The following BPTF variants were observed in gnomAD, a reference collection of about 807,000 sequenced individuals.
BPTF encodes the protein bromodomain PHD finger transcription factor.
A neutral mutation model predicts 292.5 loss-of-function variants in BPTF; 18 were observed. That is an observed-to-expected ratio of 0.06 (90% CI 0.04 to 0.09). The LOEUF (loss-of-function observed/expected upper bound fraction) is 0.09, where lower values mean the gene tolerates loss of function less well. Among genes scored for constraint, BPTF ranks in the 10% least tolerant of loss-of-function variants. The pLI is 1.00. For missense variants in BPTF, 2,726 were observed against 3,498.7 expected, an observed-to-expected ratio of 0.78 and a Z score of 5.57; for synonymous variants, 1,225 against 1,251.9, an observed-to-expected ratio of 0.98 and a Z score of 0.45.
rs1426498270 is a variant in BPTF, at chr17:67,912,452, C to T, written c.4568C>T (p.Pro1523Leu). 1 of 1,613,690 alleles carries T rather than the reference C, an allele frequency of 6.2e-7. No individual in the cohort carries two copies. Among genetic ancestry groups the T allele is most frequent in the Non-Finnish European group, 8.5e-7 (1 of 1,179,948 alleles). ...ACGACCACACCCTCAGCATCTTGTC[C>T]AGAAAGCAATTCAGTTAATCAGGTA... ...TQTTTPSASC[P>L]ESNSVNQVED... The change falls in exon 11 of 28, where the codon CCA (proline) becomes CTA (leucine). Residue 1523 changes from proline (P) to leucine (L), a missense_variant. Coordinates refer to ENST00000306378, the MANE Select transcript of BPTF (RefSeq NM_182641.4).
At chr17:67,878,267 A>G (rs2060169220) in intron 4 of BPTF, among the ~76,000 whole-genome samples, 1 of 152,196 alleles carries the variant, frequency 6.6e-6, no homozygotes, top group African/African-American at 2.4e-5. Flanking sequence ...ATTCCATTAT[A>G]TAGATATGTC....
Position 67,825,514 on chromosome 17 carries a change from G to C in BPTF, c.-211G>C, listed in dbSNP as rs1385461348. On this transcript the variant is annotated 5_prime_UTR_variant, in exon 1 of 28. Coordinates refer to ENST00000306378, the MANE Select transcript of BPTF (RefSeq NM_182641.4). The stretch of plus-strand genomic sequence containing the variant: ...CTGTCGGTTCCCCCAGTCACCGAGC[G>C]AGAGGGAAGAAACAAGATGGCGGCT... 9.5e-6 allele frequency: 4 copies of C among 420,086 alleles called. No individual in the cohort carries two copies. The highest frequency in any genetic ancestry group is 1.2e-4 in the East Asian group (1 of 8,244). 26.0% of individuals were successfully genotyped at this position (420,086 alleles called of 1,614,324 possible).
chr17:67,944,086 TA>T, intron 19 of BPTF, 63 bp from the exon 20 acceptor site: 6 of 1,192,246 alleles, frequency 5.0e-6, no homozygotes, highest in South Asian at 4.0e-5. Context: ...AATGATTTAA[TA>T]AAAATGATAT....
chr17:67,967,331 A>G (rs1310617112), intron 26 of BPTF, among the ~76,000 whole-genome samples: 3 of 150,408 alleles, frequency 2.0e-5, no homozygotes, highest in Non-Finnish European at 4.4e-5. Flanking sequence ...TTGTAGAGAC[A>G]GGGTTTCACC....
At position 67,922,890 on chromosome 17, in the gene BPTF, A is replaced by G. The variant is rs1163589896; in HGVS notation, c.5608A>G (p.Lys1870Glu). ...KGLRSSALRPKRPETPKQTGP... is the reference protein window; with the variant it reads ...KGLRSSALRPERPETPKQTGP... Reference sequence around the variant, plus strand: ...CCTTCGATCAAGTGCACTGCGGCCAAAGAGACCAGAAACGCCCAAGCAAAC... The same window carrying G: ...CCTTCGATCAAGTGCACTGCGGCCAGAGAGACCAGAAACGCCCAAGCAAAC... Residue 1870 changes from lysine (K) to glutamate (E), a missense_variant, in exon 14 of 28, where the codon AAG (lysine) becomes GAG (glutamate). Lys to Glu is a moderately conservative substitution (Grantham distance 56). Coordinates refer to ENST00000306378, the MANE Select transcript of BPTF (RefSeq NM_182641.4). The G allele has an allele frequency of 6.2e-7, 1 of 1,614,088 alleles. No homozygotes were observed. The highest frequency in any genetic ancestry group is 8.5e-7 in the Non-Finnish European group (1 of 1,180,014).
chr17:67,941,606 C>T lies in BPTF; in HGVS notation c.6477+950C>T, dbSNP rs73996924. Among the ~76,000 whole-genome samples the T allele has an allele frequency of 8.9e-3, 1,352 of 152,260 alleles. 17 individuals are homozygous for T. The highest frequency in any genetic ancestry group is 0.031 in the African/African-American group (1,305 of 41,546). On this transcript the variant is annotated intron_variant, in intron 19 of 27. Coordinates refer to ENST00000306378, the MANE Select transcript of BPTF (RefSeq NM_182641.4). The stretch of plus-strand genomic sequence containing the variant: ...TTGTTATATGACAAAGGTGACATTG[C>T]AGATCATTGAGGAAGAGATGACTTT...
chr17:67,854,937 A>G lies in BPTF; in HGVS notation c.1436+175A>G, dbSNP rs1165514390. Among the ~76,000 whole-genome samples the G allele has an allele frequency of 6.6e-6, 1 of 152,230 alleles. No homozygotes were observed. The highest frequency in any genetic ancestry group is 6.5e-5 in the Admixed American group (1 of 15,280). ...ATGTGCATTAAAATAGCTTTTAAGA[A>G]GGTAAAGGAAACATATATGAAAGAA... On this transcript the variant is annotated intron_variant, in intron 2 of 27. Coordinates refer to ENST00000306378, the MANE Select transcript of BPTF (RefSeq NM_182641.4). This position sits in a 1 kb window ranked among gnomAD's most constrained non-coding sequence, Gnocchi z 5.6.
intron 23 of BPTF, chr17:67,951,546 G>A (rs530358639): frequency 7.9e-4 from 120 of 152,060 alleles, no homozygotes; most frequent in African/African-American, 2.8e-3. Flanking sequence ...ACACAGAGTG[G>A]GAAAATAGTT....
chr17:67,829,543 A>G lies in BPTF; in HGVS notation c.613+3206A>G, dbSNP rs138875240. Among the ~76,000 whole-genome samples the G allele has an allele frequency of 2.0e-3, 299 of 151,744 alleles. 1 individual carries two copies. Among genetic ancestry groups the G allele is most frequent in the African/African-American group, 6.8e-3 (280 of 41,368 alleles). On this transcript the variant is annotated intron_variant, in intron 1 of 27. Coordinates refer to ENST00000306378, the MANE Select transcript of BPTF (RefSeq NM_182641.4). ...GCCCACTTGCCTGGAATGAGTAACA[A>G]TGCATGACAGTGAGTTGATTAGGCT... is the stretch of plus-strand genomic sequence containing the variant.
chr17:67,877,508 GTTTTC>G (rs1432687670), intron 4 of BPTF, among the ~76,000 whole-genome samples: 7 of 152,096 alleles, frequency 4.6e-5, no homozygotes, highest in African/African-American at 1.4e-4. Flanking sequence ...ATCTTACTTG[GTTTTC>G]TTTTCTAAAC....
Position 67,839,484 on chromosome 17 carries a change from A to C in BPTF, c.613+13147A>C, listed in dbSNP as rs552987577. ...ATATTAGATCTTATAATATTGATCC[A>C]CCCTTACATTCCTGCAGCAAACCTC... On this transcript the variant is annotated intron_variant, in intron 1 of 27. Coordinates refer to ENST00000306378, the MANE Select transcript of BPTF (RefSeq NM_182641.4). Among the ~76,000 whole-genome samples the C allele has an allele frequency of 3.3e-5, 5 of 152,252 alleles. No individual in the cohort carries two copies. The East Asian group carries it at 9.6e-4, about 29-fold the overall frequency.
chr17:67,931,476 A>AAAAT lies in BPTF; in HGVS notation c.6151-412_6151-409dup, dbSNP rs901523648. Among the ~76,000 whole-genome samples, 129 of 152,178 alleles carry AAAAT rather than the reference A, an allele frequency of 8.5e-4. No individual in the cohort carries two copies. The East Asian group carries it at 0.012, about 14-fold the overall frequency. The stretch of plus-strand genomic sequence containing the variant: ...GGCAACAGAGTGAGACCCTGTCTTT[A>AAAAT]AAATAAATAAATAAATAAATAAATA... On this transcript the variant is annotated intron_variant, in intron 17 of 27. Transcript: ENST00000306378.
At position 67,948,143 on chromosome 17, in the gene BPTF, A is replaced by G. The variant is rs1555676437; in HGVS notation, c.7763A>G (p.Gln2588Arg). ...ILDKIDKEEK[Q>R]AAKKRKREES... ...GATAAGATAGATAAAGAAGAAAAAC[A>G]GGCAGCAAAAAAACGGAAGCGTGAA... The change falls in exon 23 of 28, where the codon CAG becomes CGG. Residue 2588 changes from glutamine to arginine, a missense_variant. By Grantham distance (43) the Gln-to-Arg change is conservative (BLOSUM62 1). Coordinates refer to ENST00000306378, the MANE Select transcript of BPTF (RefSeq NM_182641.4). The G allele has an allele frequency of 6.2e-7, 1 of 1,614,244 alleles. No homozygotes were observed.
chr17:67,881,445 A>T (rs1212951509), intron 4 of BPTF, among the ~76,000 whole-genome samples: 1 of 149,110 alleles, frequency 6.7e-6, no homozygotes. Context: ...AGATTGCAAG[A>T]TTCTCTGTTA....
intron 4 of BPTF, among the ~76,000 whole-genome samples, chr17:67,881,756 C>T (rs574727921): frequency 2.4e-4 from 37 of 151,638 alleles, no homozygotes; most frequent in African/African-American, 8.0e-4. Context: ...CCACCTCGGC[C>T]TCCCAAAGTG....
At chr17:67,905,658 A>G (rs764846463) in intron 9 of BPTF, among the ~76,000 whole-genome samples, 6 of 152,158 alleles carry the variant, frequency 3.9e-5, no homozygotes, top group South Asian at 2.1e-4. Context: ...GCAGTAAGCT[A>G]TAATTGTGCT....
chr17:67,971,480 C>CT (rs1384815379), intron 26 of BPTF, among the ~76,000 whole-genome samples: 4 of 148,320 alleles, frequency 2.7e-5, no homozygotes, highest in Admixed American at 1.3e-4. Flanking sequence ...GAGACGCTGT[C>CT]TTTAAAAAAA....
intron 15 of BPTF, among the ~76,000 whole-genome samples, chr17:67,925,857 G>A (rs1375405814): frequency 1.3e-5 from 2 of 151,778 alleles, no homozygotes; most frequent in Non-Finnish European, 2.9e-5. Context: ...TAGCACTTTT[G>A]GATTCTATGT....
rs531159599 is a variant in BPTF at position 67,844,203 on chromosome 17, C to T, written c.614-9737C>T. Among the ~76,000 whole-genome samples, 26 of 151,078 alleles carry T rather than the reference C, an allele frequency of 1.7e-4. No homozygotes were observed. In the South Asian group the frequency reaches 4.0e-3, roughly 23 times the overall value. On this transcript the variant is annotated intron_variant, in intron 1 of 27. Coordinates refer to ENST00000306378, the MANE Select transcript of BPTF (RefSeq NM_182641.4). ...CAAGTGAGTCTCGTGCCACAGCCTC[C>T]GGAGTAGCTAGCTGGGACTACAGGC... is the stretch of plus-strand genomic sequence containing the variant.
Sources: gnomAD v4.1 joint callset for allele counts (sites outside exome capture counted in the v4.1 genomes callset) on GRCh38, gnomAD v4.1.1 for gene constraint, Gnocchi (gnomAD v3.1) non-coding constraint, MANE v1.5 for transcripts, NCBI Gene and HGNC (gene_info 2026-07-23, HGNC 2026-07-21) for gene names.